COL5A3: variants seen among roughly 807,000 people sequenced by gnomAD.
COL5A3 encodes the protein collagen alpha-3(V) chain.
In COL5A3, 172 loss-of-function variants were observed where a neutral mutation model predicts 250.0. That is an observed-to-expected ratio of 0.69 (90% CI 0.61 to 0.78). COL5A3 has a LOEUF of 0.78. Ranked by LOEUF, COL5A3 falls within the 30% of genes least tolerant of loss-of-function variation. The pLI is 0.00. For missense variants in COL5A3, 2,340 were observed against 2,334.4 expected, an observed-to-expected ratio of 1.00 and a Z score of -0.05; for synonymous variants, 937 against 900.4, an observed-to-expected ratio of 1.04 and a Z score of -0.73.
chr19:10,005,057 G>A (rs981533206), intron 4 of COL5A3, among the ~76,000 whole-genome samples: 3 of 151,768 alleles, frequency 2.0e-5, no homozygotes, highest in East Asian at 2.0e-4. Context: ...AGTAGGCATC[G>A]TCACAATTTA....
chr19:9,991,902 A>G, intron 22 of COL5A3, 61 bp from the exon 23 acceptor site: 2 of 1,585,668 alleles, frequency 1.3e-6, no homozygotes, highest in Non-Finnish European at 1.7e-6. Context: ...GGCGTTAGTG[A>G]AATTGACTTG....
chr19:9,962,663 T>C (rs1471720958), intron 65 of COL5A3, among the ~76,000 whole-genome samples, 156 bp downstream of exon 65: 1 of 152,124 alleles, frequency 6.6e-6, no homozygotes, highest in East Asian at 1.9e-4. Context: ...GTTACACATC[T>C]GATGCTGCTG....
chr19:9,993,046 GC>G lies in COL5A3; in HGVS notation c.1770del (p.Thr592LeufsTer27). On this transcript the variant is annotated frameshift_variant, in exon 20 of 67. Coordinates refer to ENST00000264828, the MANE Select transcript of COL5A3 (RefSeq NM_015719.4). LOFTEE classifies it high-confidence loss of function. Reference protein sequence around the residue: ...DGERGAEGPPGPTGQAGEPGP... With the variant: ...DGERGAEGPPXPTGQAGEPGP... ...ACCGGCTCCCCAGCCTGGCCAGTGG[GC>G]CCTGGAGGTCCCTCTGCTCCCTGTG... 6.2e-7 allele frequency: 1 copy of G among 1,613,906 alleles called. No homozygotes were observed. Among genetic ancestry groups the G allele is most frequent in the Non-Finnish European group, 8.5e-7 (1 of 1,179,934 alleles).
At chr19:9,986,218 C>T in intron 30 of COL5A3, 97 bp downstream of exon 30, 1 of 841,520 alleles carries the variant, frequency 1.2e-6, no homozygotes, top group African/African-American at 1.7e-5. Flanking sequence ...TGGTAGCAAC[C>T]TCCTGAGGTC....
intron 51 of COL5A3, among the ~76,000 whole-genome samples, chr19:9,972,597 G>A (rs892337539): frequency 2.0e-5 from 3 of 152,146 alleles, no homozygotes; most frequent in Non-Finnish European, 4.4e-5. Flanking sequence ...CAGCACTTTG[G>A]GAGGCTGAGG....
Position 9,979,827 on chromosome 19 carries a change from G to A in COL5A3, c.2712+12C>T. 1 of 1,583,752 alleles carries A rather than the reference G, an allele frequency of 6.3e-7. No homozygotes were observed. On this transcript the variant is annotated intron_variant, in intron 37 of 66. Transcript: ENST00000264828. ...AAAAGGATCAGGAATCAAAGGTTGAGGGGTTACTCACCAGTTCTCCTCTCT... is the reference window on the plus strand; with the variant it reads ...AAAAGGATCAGGAATCAAAGGTTGAAGGGTTACTCACCAGTTCTCCTCTCT...
At position 9,966,682 on chromosome 19, in the gene COL5A3, A is replaced by C; in HGVS notation, c.4523T>G (p.Val1508Gly). The C allele has an allele frequency of 6.5e-7, 1 of 1,538,622 alleles. No individual in the cohort carries two copies. Residue 1508 changes from valine to glycine, a missense_variant, in exon 63 of 67, where the codon GTC becomes GGC. Coordinates refer to ENST00000264828, the MANE Select transcript of COL5A3 (RefSeq NM_015719.4). ...RRRFVPVPLP[V>G]VEGGLEEVLA... is the part of the protein sequence containing the mutation. The stretch of plus-strand genomic sequence containing the variant: ...CACCTCCTCCAGGCCGCCCTCCACG[A>C]CTGGAAGCGGGACTGGGACGAAGCG...
In COL5A3 at chr19:10,001,630, AG is replaced by A. The variant is rs748776473; in HGVS notation, c.1003del (p.Leu335TrpfsTer49). ...ATCCTCCCTGGCTGCCTTGGTCTCCAGGGTCCCCAGCTCGGTTCCACTGTCA... is the reference window on the plus strand; with the variant it reads ...ATCCTCCCTGGCTGCCTTGGTCTCCAGGTCCCCAGCTCGGTTCCACTGTCA... ...DPDSGTELGT[L>X]ETKAAREDEE... is the part of the protein sequence containing the mutation. On this transcript the variant is annotated frameshift_variant, in exon 8 of 67. Transcript: ENST00000264828. LOFTEE classifies it high-confidence loss of function. 3 of 1,614,050 alleles carry A rather than the reference AG, an allele frequency of 1.9e-6. No individual in the cohort carries two copies. In the South Asian group the frequency reaches 3.3e-5, roughly 18 times the overall value.
At chr19:9,973,429 T>A (rs1426489088) in intron 50 of COL5A3, 141 bp downstream of exon 50, 5 of 832,728 alleles carry the variant, frequency 6.0e-6, no homozygotes, top group Middle Eastern at 3.7e-4. Context: ...CAGGTGTCCT[T>A]CCTCAAGGTA....
intron 10 of COL5A3, 50 bp from the exon 11 acceptor site, chr19:9,997,483 A>T: frequency 3.1e-6 from 4 of 1,300,516 alleles, no homozygotes; most frequent in Non-Finnish European, 4.3e-6. Flanking sequence ...AGTTTGAGCT[A>T]GGCTGACTTT....
In COL5A3 at chr19:10,001,532, T is replaced by C; in HGVS notation, c.1102A>G (p.Ile368Val). 6.2e-7 allele frequency: 1 copy of C among 1,614,104 alleles called. No homozygotes were observed. Among genetic ancestry groups the C allele is most frequent in the Non-Finnish European group, 8.5e-7 (1 of 1,180,008 alleles). Residue 368 changes from isoleucine to valine, a missense_variant, in exon 8 of 67, where the codon ATC becomes GTC. This residue lies in a region of COL5A3 where 1,152 missense variants were observed against 1,146.3 expected (regional missense o/e 1.00). Transcript: ENST00000264828. The part of the protein sequence containing the change: ...AEYPSRTQFQ[I>V]FPGAGEKGAK... ...GCCACCTAGAAACTCACAGGAAAGA[T>C]CTGGAACTGAGTCCGAGATGGATAT...
chr19:9,979,283 G>A (rs749512855), intron 38 of COL5A3, 44 bp from the exon 39 acceptor site: 3 of 1,601,828 alleles, frequency 1.9e-6, no homozygotes, highest in Non-Finnish European at 2.6e-6. Context: ...TGGCCTAGGG[G>A]AGTCGCTCAG....
intron 44 of COL5A3, 41 bp from the exon 45 acceptor site, chr19:9,976,652 T>G (rs2086927404): frequency 3.3e-6 from 5 of 1,519,738 alleles, no homozygotes; most frequent in Non-Finnish European, 4.5e-6. Context: ...CCCTCAGGTT[T>G]AAGATTAGAG....
At position 9,960,838 on chromosome 19, in the gene COL5A3, A is replaced by G. The variant is rs983982231; in HGVS notation, c.4904T>C (p.Phe1635Ser). ...AGCTGTGGCACTCAGCAGTTTCAGG[A>G]AGTTCAGCTGCACGACATTCACTGG... is the stretch of plus-strand genomic sequence containing the variant. The part of the protein sequence containing the change: ...GSPVNVVQLN[F>S]LKLLSATARQ... The change falls in exon 66 of 67, where the codon TTC becomes TCC. Residue 1635 changes from phenylalanine to serine, a missense_variant. Around this residue, in one of 3 missense-constraint regions of COL5A3, gnomAD observed 1,179 missense variants for 1,162.6 expected, o/e 1.01. Transcript: ENST00000264828. 2 of 1,612,298 alleles carry G rather than the reference A, an allele frequency of 1.2e-6. No individual in the cohort carries two copies. Among genetic ancestry groups the G allele is most frequent in the Non-Finnish European group, 1.7e-6 (2 of 1,180,016 alleles).
Position 9,977,235 on chromosome 19 carries a change from T to G in COL5A3, c.3282A>C (p.Gly1094=). 6.2e-7 allele frequency: 1 copy of G among 1,613,744 alleles called. No individual in the cohort carries two copies. Among genetic ancestry groups the G allele is most frequent in the Non-Finnish European group, 8.5e-7 (1 of 1,179,766 alleles). ...PGHKGSKGDK[G]DAGPPGQPGI... is the part of the protein sequence containing the mutation. ...ACTGGGGACCTTCACTCACCGCGTC[T>G]CCTTTATCGCCTTTACTCCCCTTGT... Residue 1094 remains glycine (G), a synonymous_variant, in exon 44 of 67, where the codon GGA becomes GGC. Transcript: ENST00000264828.
chr19:9,986,540 G>C lies in COL5A3; in HGVS notation c.2244+13C>G, dbSNP rs779814526. 5.6e-6 allele frequency: 9 copies of C among 1,613,840 alleles called. No individual in the cohort carries two copies. Among genetic ancestry groups the C allele is most frequent in the Middle Eastern group, 1.6e-4 (1 of 6,062 alleles). On this transcript the variant is annotated intron_variant, in intron 29 of 66. Transcript: ENST00000264828. ...CCAGACCCACACCACCCCTCATCTG[G>C]AGCTGGTCTTACCTGATCACCTTTG... is the stretch of plus-strand genomic sequence containing the variant.
chr19:9,988,770 G>A (rs1408936963), intron 27 of COL5A3, among the ~76,000 whole-genome samples: 1 of 144,544 alleles, frequency 6.9e-6, no homozygotes, highest in Admixed American at 7.2e-5. Context: ...GGAGGCAGAG[G>A]TTGCAGTGAG....
intron 30 of COL5A3, 48 bp from the exon 31 acceptor site, chr19:9,985,943 C>T: frequency 6.3e-7 from 1 of 1,578,572 alleles, no homozygotes; most frequent in Non-Finnish European, 8.7e-7. Flanking sequence ...ACCTGGAGGT[C>T]AGAGGCGGAA....
chr19:9,993,546 T>A, intron 18 of COL5A3, 73 bp downstream of exon 18: 1 of 1,585,596 alleles, frequency 6.3e-7, no homozygotes, highest in Non-Finnish European at 8.7e-7. Flanking sequence ...ACTCTGATAC[T>A]GAGGGAGAAG....
Sources: allele counts gnomAD v4.1 joint callset (sites outside exome capture counted in the v4.1 genomes callset), GRCh38; gene constraint gnomAD v4.1.1; regional missense constraint gnomAD v4.1.1; transcripts MANE v1.5; gene names NCBI Gene and HGNC (gene_info 2026-07-23, HGNC 2026-07-21).